The following SRSF4 variants were observed in gnomAD, a reference collection of about 807,000 sequenced individuals.
SRSF4 encodes the protein serine/arginine-rich splicing factor 4.
A neutral mutation model predicts 48.8 loss-of-function variants in SRSF4; 12 were observed. The ratio of observed to expected loss-of-function variants is 0.25; its 90% confidence interval spans 0.16 to 0.40. The LOEUF (loss-of-function observed/expected upper bound fraction) is 0.40, where lower values mean the gene tolerates loss of function less well. Among genes scored for constraint, SRSF4 ranks in the 10% least tolerant of loss-of-function variants. The pLI, the probability that SRSF4 is intolerant of heterozygous loss-of-function variation, is 1.00. For missense variants in SRSF4, 466 were observed against 667.1 expected (o/e 0.70, Z 3.32); for synonymous variants, 248 against 232.5 (o/e 1.07, Z -0.61).
chr1:29,170,853 C>A (rs1004430421), intron 1 of SRSF4: 9 of 152,154 alleles, frequency 5.9e-5, no homozygotes, highest in African/African-American at 2.2e-4. Flanking sequence ...CATGAAGGTC[C>A]CCTTTCTGGC....
chr1:29,157,568 C>T (rs1278614943), intron 3 of SRSF4, among the ~76,000 whole-genome samples: 1 of 152,140 alleles, frequency 6.6e-6, no homozygotes, highest in Non-Finnish European at 1.5e-5. Context: ...AAACAGCAGA[C>T]TGGGAGTCAG....
chr1:29,155,657 G>A (rs1278774187), intron 3 of SRSF4, among the ~76,000 whole-genome samples: 1 of 151,982 alleles, frequency 6.6e-6, no homozygotes, highest in African/African-American at 2.4e-5. Flanking sequence ...ATACCCAGCT[G>A]ATTTTTTGTG....
At chr1:29,150,217 T>C (rs1178038087) in intron 4 of SRSF4, 25 bp from the exon 5 acceptor site, 2 of 1,588,582 alleles carry the variant, frequency 1.3e-6, no homozygotes, top group Admixed American at 1.7e-5. Context: ...TATTTTTTAA[T>C]ACTTGCTGAC....
At chr1:29,169,946 C>CTAT (rs1672724808) in intron 1 of SRSF4, 1 of 152,180 alleles carries the variant, frequency 6.6e-6, no homozygotes, top group Admixed American at 6.5e-5. Context: ...TTTGTTTTAG[C>CTAT]TATTCAAAAC....
chr1:29,181,046 G>A (rs192554437), intron 1 of SRSF4, among the ~76,000 whole-genome samples: 1 of 152,324 alleles, frequency 6.6e-6, no homozygotes, highest in East Asian at 1.9e-4. Flanking sequence ...CTCTTGCAGA[G>A]GGAACGGTGA....
intron 1 of SRSF4, among the ~76,000 whole-genome samples, chr1:29,177,607 GGGC>G (rs977271962): frequency 4.3e-4 from 66 of 152,008 alleles, no homozygotes; most frequent in Non-Finnish European, 8.1e-4. Context: ...GAAGTTTATG[GGGC>G]GGGTAGAAAA....
At chr1:29,160,243 TAAAA>T in intron 2 of SRSF4, 128 bp downstream of exon 2, 3 of 1,100,960 alleles carry the variant, frequency 2.7e-6, no homozygotes, top group Non-Finnish European at 3.7e-6. Context: ...TCTACATTTT[TAAAA>T]AAGATACATA....
intron 3 of SRSF4, among the ~76,000 whole-genome samples, chr1:29,155,960 T>C (rs1340686728): frequency 1.3e-5 from 2 of 152,130 alleles, no homozygotes; most frequent in Non-Finnish European, 2.9e-5. Flanking sequence ...AGAGGAGATA[T>C]GATTAGGAGG....
At chr1:29,179,298 A>G (rs569726265) in intron 1 of SRSF4, among the ~76,000 whole-genome samples, 11 of 152,336 alleles carry the variant, frequency 7.2e-5, no homozygotes, top group African/African-American at 2.6e-4. Context: ...CATGTCTTCA[A>G]CACCAATTAT....
rs752471397 is a variant in SRSF4, at chr1:29,148,798, C to T, written c.1097G>A (p.Ser366Asn). The T allele has an allele frequency of 3.7e-6, 6 of 1,610,730 alleles. No individual in the cohort carries two copies. Among genetic ancestry groups the T allele is most frequent in the Middle Eastern group, 1.7e-4 (1 of 6,044 alleles). The stretch of plus-strand genomic sequence containing the variant: ...ACTCTTGCTGCGGCTGCGACTGCGA[C>T]TGCGGCTCTCCTCTCTGCTTCTCTT... The part of the protein sequence containing the change: ...GRKRSREESR[S>N]RSRSRSKSER... Residue 366 changes from serine (S) to asparagine (N), a missense_variant, in exon 6 of 6, where the codon AGT (serine) becomes AAT (asparagine). Around this residue, in one of 2 missense-constraint regions of SRSF4, gnomAD observed 402 missense variants for 437.0 expected, o/e 0.92. Coordinates refer to ENST00000373795, the MANE Select transcript of SRSF4 (RefSeq NM_005626.5).
At chr1:29,150,073 C>CCA in intron 5 of SRSF4, 30 bp downstream of exon 5, 1 of 1,580,564 alleles carries the variant, frequency 6.3e-7, no homozygotes, top group Non-Finnish European at 8.7e-7. Context: ...TCCCTGCTGA[C>CCA]CACCTCTACT....
chr1:29,161,559 C>T (rs570780638), intron 1 of SRSF4, among the ~76,000 whole-genome samples: 6 of 152,324 alleles, frequency 3.9e-5, no homozygotes, highest in Admixed American at 1.3e-4. Flanking sequence ...CAGAGGGTCA[C>T]TCAGCCTGCT....
intron 4 of SRSF4, among the ~76,000 whole-genome samples, chr1:29,154,018 T>C (rs1672457474): frequency 6.6e-6 from 1 of 151,748 alleles, no homozygotes; most frequent in Admixed American, 6.6e-5. Flanking sequence ...TGCCTCAGCC[T>C]CCTGGGTAGC....
At chr1:29,154,164 T>G (rs1672462777) in intron 4 of SRSF4, among the ~76,000 whole-genome samples, 1 of 152,248 alleles carries the variant, frequency 6.6e-6, no homozygotes, top group Non-Finnish European at 1.5e-5. Flanking sequence ...CAAGCAATTT[T>G]CAAGCAATTT....
chr1:29,155,911 A>T (rs951390101), intron 3 of SRSF4, among the ~76,000 whole-genome samples: 1 of 152,194 alleles, frequency 6.6e-6, no homozygotes, highest in African/African-American at 2.4e-5. Context: ...AGAGAATACA[A>T]CTAATGTCCT....
At position 29,148,467 on chromosome 1, in the gene SRSF4, G is replaced by A; in HGVS notation, c.1428C>T (p.Ser476=). Residue 476 remains serine, a synonymous_variant, in exon 6 of 6, where the codon TCC becomes TCT. Coordinates refer to ENST00000373795, the MANE Select transcript of SRSF4 (RefSeq NM_005626.5). Reference sequence around the variant, plus strand: ...GGGAGGGCGATCTGGAAGCAGACCTGGATCTAGACTTGGACCGAGATCGGG... The same window carrying A: ...GGGAGGGCGATCTGGAAGCAGACCTAGATCTAGACTTGGACCGAGATCGGG... ...SKTRSRSKSR[S]RSASRSPSRS... is the part of the protein sequence containing the mutation. 1 of 1,613,494 alleles carries A rather than the reference G, an allele frequency of 6.2e-7. No homozygotes were observed. The highest frequency in any genetic ancestry group is 8.5e-7 in the Non-Finnish European group (1 of 1,179,662).
chr1:29,157,907 C>T (rs35006582), intron 3 of SRSF4, among the ~76,000 whole-genome samples: 2 of 152,160 alleles, frequency 1.3e-5, no homozygotes, highest in Non-Finnish European at 2.9e-5. Context: ...CAGTGGCTCA[C>T]GCCTGTAATC....
At chr1:29,160,622 A>G in intron 1 of SRSF4, 105 bp from the exon 2 acceptor site, 1 of 1,348,402 alleles carries the variant, frequency 7.4e-7, no homozygotes. Context: ...GGTTAGGTGG[A>G]TTTTGCAAAC....
chr1:29,148,892 T>C lies in SRSF4; in HGVS notation c.1003A>G (p.Arg335Gly). 3 of 1,611,210 alleles carry C rather than the reference T, an allele frequency of 1.9e-6. No homozygotes were observed. Among genetic ancestry groups the C allele is most frequent in the Non-Finnish European group, 2.5e-6 (3 of 1,177,986 alleles). Residue 335 changes from arginine to glycine, a missense_variant, in exon 6 of 6, where the codon AGG (arginine) becomes GGG (glycine). Around this residue, in one of 2 missense-constraint regions of SRSF4, gnomAD observed 402 missense variants for 437.0 expected, o/e 0.92. Coordinates refer to ENST00000373795, the MANE Select transcript of SRSF4 (RefSeq NM_005626.5). ...CGGCTCCTGCTGCCCCCTTTGCTCC[T>C]GCTCCGGCTCCGACTCTGGCGGAGG... Reference protein sequence around the residue: ...KSLRQSRSRSRSKGGSRSRSR... With the variant: ...KSLRQSRSRSGSKGGSRSRSR...
Sources: gnomAD v4.1 joint callset for allele counts (sites outside exome capture counted in the v4.1 genomes callset) on GRCh38, gnomAD v4.1.1 for gene constraint, gnomAD v4.1.1 regional missense constraint, MANE v1.5 for transcripts, NCBI Gene and HGNC (gene_info 2026-07-23, HGNC 2026-07-21) for gene names.